The following CNGB3 variants were observed in gnomAD, a reference collection of about 807,000 sequenced individuals.
CNGB3 encodes the protein cyclic nucleotide gated channel subunit beta 3.
In CNGB3, 86 loss-of-function variants were observed where a neutral mutation model predicts 92.8. That is an observed-to-expected ratio of 0.93 (90% CI 0.78 to 1.11). The LOEUF (loss-of-function observed/expected upper bound fraction) is 1.11, where lower values mean the gene tolerates loss of function less well. Among genes scored for constraint, CNGB3 ranks in the 50% least tolerant of loss-of-function variants. The probability of loss-of-function intolerance (pLI) is 0.00; values close to 1 mark genes in which losing one functional copy is unlikely to be tolerated. For synonymous variants in CNGB3, 333 were observed against 332.7 expected (o/e 1.00, Z -0.01); for missense variants, 1,026 against 956.8 (o/e 1.07, Z -0.95).
At chr8:86,668,314 C>CAT (rs1823784869) in intron 4 of CNGB3, 146 bp from the exon 5 acceptor site, 1 of 425,642 alleles carries the variant, frequency 2.3e-6, no homozygotes, top group Non-Finnish European at 4.4e-6. Context: ...GGGAGGGGAA[C>CAT]ATCACACACT....
chr8:86,594,670 G>A (rs558845933), intron 15 of CNGB3: 8 of 185,606 alleles, frequency 4.3e-5, no homozygotes, highest in South Asian at 9.8e-5. Context: ...CCAGCCTCCC[G>A]CTTGCCCCTG....
At chr8:86,693,785 C>T (rs1236747515) in intron 3 of CNGB3, among the ~76,000 whole-genome samples, 1 of 151,628 alleles carries the variant, frequency 6.6e-6, no homozygotes, top group Non-Finnish European at 1.5e-5. Context: ...TCAACAGGAT[C>T]CCAAGGCAGA....
At chr8:86,696,265 G>A (rs942431240) in intron 3 of CNGB3, among the ~76,000 whole-genome samples, 1 of 152,134 alleles carries the variant, frequency 6.6e-6, no homozygotes, top group African/African-American at 2.4e-5. Flanking sequence ...AATGGCTTGA[G>A]TTGATTGGCC....
At chr8:86,689,921 C>T (rs1824273765) in intron 3 of CNGB3, among the ~76,000 whole-genome samples, 1 of 152,138 alleles carries the variant, frequency 6.6e-6, no homozygotes, top group African/African-American at 2.4e-5. Flanking sequence ...CATAGTATTC[C>T]ATGGTGTATA....
At chr8:86,652,750 T>C (rs914551615) in intron 7 of CNGB3, among the ~76,000 whole-genome samples, 1 of 152,042 alleles carries the variant, frequency 6.6e-6, no homozygotes, top group Admixed American at 6.6e-5. Context: ...TCATTTCCTA[T>C]AATAACAATG....
At chr8:86,633,754 A>G (rs1437066057) in intron 10 of CNGB3, among the ~76,000 whole-genome samples, 2 of 152,228 alleles carry the variant, frequency 1.3e-5, no homozygotes, top group Non-Finnish European at 2.9e-5. Flanking sequence ...ATAGAGATCA[A>G]ATGTATTTAT....
At chr8:86,649,252 A>C (rs1823352199) in intron 7 of CNGB3, among the ~76,000 whole-genome samples, 1 of 151,686 alleles carries the variant, frequency 6.6e-6, no homozygotes, top group Non-Finnish European at 1.5e-5. Context: ...GCCAAAAGCA[A>C]TCTACAGATC....
In CNGB3 at chr8:86,712,691, T is replaced by C. The variant is rs111903181; in HGVS notation, c.338+13840A>G. On this transcript the variant is annotated intron_variant, in intron 3 of 17. Transcript: ENST00000320005. ...TTAAATTATAGAAGTTTAAATAGGT[T>C]ATAATATCTGGTAGGAATACTACTA... Among the ~76,000 whole-genome samples the C allele has an allele frequency of 3.1e-3, 466 of 152,196 alleles. 4 individuals carry two copies. Among genetic ancestry groups the C allele is most frequent in the African/African-American group, 0.011 (449 of 41,562 alleles).
intron 15 of CNGB3, among the ~76,000 whole-genome samples, chr8:86,595,549 A>C (rs1822153012): frequency 6.6e-6 from 1 of 152,218 alleles, no homozygotes; most frequent in Non-Finnish European, 1.5e-5. Context: ...GAAAATGTAA[A>C]TATGTACTCT....
At chr8:86,722,490 G>A (rs1008032542) in intron 3 of CNGB3, among the ~76,000 whole-genome samples, 3 of 152,124 alleles carry the variant, frequency 2.0e-5, no homozygotes, top group Admixed American at 6.5e-5. Flanking sequence ...TGTACATAAT[G>A]GAGATGGCGT....
chr8:86,688,555 T>G (rs1435141695), intron 3 of CNGB3, among the ~76,000 whole-genome samples: 1 of 152,046 alleles, frequency 6.6e-6, no homozygotes, highest in Non-Finnish European at 1.5e-5. Context: ...TTGAGACAGT[T>G]TCTTTCTGGA....
chr8:86,688,681 C>A (rs772436800), intron 3 of CNGB3, among the ~76,000 whole-genome samples: 11 of 151,902 alleles, frequency 7.2e-5, no homozygotes, highest in Non-Finnish European at 1.5e-4. Flanking sequence ...TTTCATCTCT[C>A]ATTTTATTTA....
intron 15 of CNGB3, among the ~76,000 whole-genome samples, chr8:86,602,156 C>A (rs1329500554): frequency 9.2e-5 from 14 of 152,060 alleles, no homozygotes; most frequent in Admixed American, 1.3e-4. Flanking sequence ...TATTAAGTCA[C>A]AAAATATTAA....
At chr8:86,684,879 T>C (rs1301765808) in intron 3 of CNGB3, among the ~76,000 whole-genome samples, 1 of 152,074 alleles carries the variant, frequency 6.6e-6, no homozygotes, top group Non-Finnish European at 1.5e-5. Context: ...CTTTGCAGCA[T>C]GGAATTTTGT....
At chr8:86,731,541 A>G (rs1458243738) in intron 2 of CNGB3, among the ~76,000 whole-genome samples, 2 of 152,194 alleles carry the variant, frequency 1.3e-5, no homozygotes, top group East Asian at 3.8e-4. Flanking sequence ...TCTCAATGTC[A>G]TGCTAGGTTT....
chr8:86,742,181 C>T (rs1825354848), intron 1 of CNGB3, among the ~76,000 whole-genome samples: 1 of 152,104 alleles, frequency 6.6e-6, no homozygotes, highest in African/African-American at 2.4e-5. Context: ...TTTATGTGCT[C>T]CCTTGGAAAA....
At chr8:86,609,728 C>T (rs1277671015) in intron 14 of CNGB3, among the ~76,000 whole-genome samples, 1 of 152,176 alleles carries the variant, frequency 6.6e-6, no homozygotes, top group Non-Finnish European at 1.5e-5. Context: ...TTGACTTTGT[C>T]GTTCACCACA....
At chr8:86,706,553 C>A (rs1824655720) in intron 3 of CNGB3, among the ~76,000 whole-genome samples, 1 of 152,168 alleles carries the variant, frequency 6.6e-6, no homozygotes, top group Admixed American at 6.5e-5. Flanking sequence ...GAAGTAAAAC[C>A]TTTCTCCAAT....
At chr8:86,706,064 A>G (rs1015902770) in intron 3 of CNGB3, among the ~76,000 whole-genome samples, 9 of 152,260 alleles carry the variant, frequency 5.9e-5, no homozygotes, top group African/African-American at 2.2e-4. Flanking sequence ...TTGCTTATAT[A>G]AATTACCTGT....
Sources: gnomAD v4.1 joint callset for allele counts (sites outside exome capture counted in the v4.1 genomes callset) on GRCh38, gnomAD v4.1.1 for gene constraint, MANE v1.5 for transcripts, NCBI Gene and HGNC (gene_info 2026-07-23, HGNC 2026-07-21) for gene names.